Variants in APBB2 observed in about 807,000 individuals in gnomAD.
The protein encoded by APBB2 is amyloid beta precursor protein binding family B member 2, also known as Fe65-like 1.
In APBB2, 38 loss-of-function variants were observed where a neutral mutation model predicts 82.5. The ratio of observed to expected loss-of-function variants is 0.46; its 90% CI spans 0.36 to 0.60. The LOEUF (loss-of-function observed/expected upper bound fraction) is 0.60. Among genes scored for constraint, APBB2 ranks in the 20% least tolerant of loss-of-function variants. The pLI is 0.00. For synonymous variants in APBB2, 341 were observed against 368.2 expected (o/e 0.93, Z 0.85); for missense variants, 772 against 972.3 (o/e 0.79, Z 2.74).
At position 40,815,894 on chromosome 4, in the gene APBB2, A is replaced by G; in HGVS notation, c.*198T>C. On this transcript the variant is annotated 3_prime_UTR_variant, in exon 18 of 18. Transcript: ENST00000508593. ...GCATGATGTAACTTACAGCAAAAAA[A>G]ATTATTCATGCTTCTTTTCATATCA... is the stretch of plus-strand genomic sequence containing the variant. 1 of 615,410 alleles carries G rather than the reference A, an allele frequency of 1.6e-6. No individual in the cohort carries two copies. The highest frequency in any genetic ancestry group is 2.8e-6 in the Non-Finnish European group (1 of 358,734). 38.1% of individuals were successfully genotyped at this position (615,410 alleles called of 1,614,324 possible). A position where few individuals can be genotyped will look rare whatever the true frequency, so the allele number is the denominator to read the frequency against.
At chr4:40,861,183 T>C (rs781549900) in intron 12 of APBB2, among the ~76,000 whole-genome samples, 2 of 152,030 alleles carry the variant, frequency 1.3e-5, no homozygotes, top group Non-Finnish European at 2.9e-5. Context: ...GAACCCTGTC[T>C]CTACTAAAAA....
intron 5 of APBB2, 54 bp from the exon 6 acceptor site, chr4:41,014,452 C>T (rs1054680462): frequency 6.8e-7 from 1 of 1,473,042 alleles, no homozygotes; most frequent in Admixed American, 1.9e-5. Context: ...ACTTAGTATA[C>T]AGTGTGAGTA....
At chr4:40,846,208 A>G (rs1226115456) in intron 12 of APBB2, among the ~76,000 whole-genome samples, 1 of 151,416 alleles carries the variant, frequency 6.6e-6, no homozygotes, top group Non-Finnish European at 1.5e-5. Context: ...CGGCTTGAGT[A>G]TGGCCTTACA....
intron 4 of APBB2, among the ~76,000 whole-genome samples, chr4:41,040,540 G>C (rs1720942125): frequency 6.6e-6 from 1 of 152,190 alleles, no homozygotes; most frequent in South Asian, 2.1e-4. Flanking sequence ...AGAAACTGAA[G>C]CACAGAGGGT....
At chr4:40,975,292 T>C (rs562129814) in intron 6 of APBB2, among the ~76,000 whole-genome samples, 2 of 152,330 alleles carry the variant, frequency 1.3e-5, no homozygotes, top group South Asian at 2.1e-4. Flanking sequence ...AATAAGTGAA[T>C]TGAACGTGTT....
At chr4:41,196,599 C>CTTTTTTT in intron 1 of APBB2, among the ~76,000 whole-genome samples, 13 of 100,318 alleles carry the variant, frequency 1.3e-4, no homozygotes, top group South Asian at 3.1e-4. Context: ...AAGCCCCCTG[C>CTTTTTTT]TTTTTTTTTT....
intron 6 of APBB2, among the ~76,000 whole-genome samples, chr4:40,951,492 G>C (rs1034535383): frequency 2.6e-5 from 4 of 152,268 alleles, no homozygotes; most frequent in African/African-American, 9.6e-5. Flanking sequence ...CTGCGAAGAC[G>C]CGATACGGCT....
At chr4:40,995,252 G>A (rs1397018418) in intron 6 of APBB2, among the ~76,000 whole-genome samples, 3 of 152,156 alleles carry the variant, frequency 2.0e-5, no homozygotes, top group African/African-American at 7.2e-5. Flanking sequence ...GCAGTACCAA[G>A]AAATCTAACA....
Position 41,193,632 on chromosome 4 carries a change from T to C in APBB2, c.-417+20773A>G. 1.4e-4 allele frequency: 130 copies of C among 910,948 alleles called. No homozygotes were observed. In the Admixed American group the frequency reaches 2.0e-3, roughly 14 times the overall value. 56.4% of individuals were successfully genotyped at this position (910,948 alleles called of 1,614,324 possible). Reference sequence around the variant, plus strand: ...GCGGAGGCTGCTGTTTTCTGCATTATTACTTCTGCAGGTCTCCCAGGACCC... The same window carrying C: ...GCGGAGGCTGCTGTTTTCTGCATTACTACTTCTGCAGGTCTCCCAGGACCC... On this transcript the variant is annotated intron_variant, in intron 1 of 17. Coordinates refer to ENST00000508593, the MANE Select transcript of APBB2 (RefSeq NM_004307.2).
chr4:41,018,170 C>T (rs1810530424), intron 5 of APBB2, among the ~76,000 whole-genome samples: 1 of 151,638 alleles, frequency 6.6e-6, no homozygotes, highest in Non-Finnish European at 1.5e-5. Flanking sequence ...TAGCTCCCTC[C>T]TTCCTTGCAC....
intron 6 of APBB2, among the ~76,000 whole-genome samples, chr4:40,965,386 TTAAA>T (rs1423513355): frequency 6.6e-6 from 1 of 152,136 alleles, no homozygotes; most frequent in Non-Finnish European, 1.5e-5. Context: ...CAGACATTGT[TTAAA>T]TAATTATTGG....
At chr4:40,888,217 G>A (rs928864256) in intron 12 of APBB2, among the ~76,000 whole-genome samples, 1 of 152,246 alleles carries the variant, frequency 6.6e-6, no homozygotes, top group African/African-American at 2.4e-5. Flanking sequence ...TATGTGTTGT[G>A]GTCCTTATTA....
intron 1 of APBB2, among the ~76,000 whole-genome samples, chr4:41,186,386 C>T (rs1772906633): frequency 6.6e-6 from 1 of 152,174 alleles, no homozygotes; most frequent in East Asian, 1.9e-4. Flanking sequence ...GTATGTTATT[C>T]ACTTGTCTGG....
At chr4:40,896,169 A>T (rs752112804) in intron 10 of APBB2, among the ~76,000 whole-genome samples, 1 of 151,834 alleles carries the variant, frequency 6.6e-6, no homozygotes, top group Non-Finnish European at 1.5e-5. Context: ...GGTTCAAGTG[A>T]TCCTTCTGCC....
intron 10 of APBB2, among the ~76,000 whole-genome samples, chr4:40,894,956 G>C (rs941771276): frequency 6.6e-6 from 1 of 152,116 alleles, no homozygotes. Context: ...ACCTTCCCCA[G>C]ATAGGAAAGG....
chr4:41,111,374 T>C (rs1312382271), intron 2 of APBB2, among the ~76,000 whole-genome samples: 1 of 152,252 alleles, frequency 6.6e-6, no homozygotes, highest in African/African-American at 2.4e-5. Context: ...AGTATGTCTG[T>C]GGTGGAGCCC....
chr4:41,076,127 A>G (rs1266221495), intron 3 of APBB2, among the ~76,000 whole-genome samples: 1 of 152,230 alleles, frequency 6.6e-6, no homozygotes, highest in East Asian at 1.9e-4. Flanking sequence ...AAATGGCCCA[A>G]TGATGAGTGA....
rs1761418918 is a variant in APBB2, at chr4:40,856,975, CT to C, written c.1530-26399del. ...AGCTTGGGCTCGACCCCCGTTCCCC[CT>C]GAACGCACCTGCAAACAAAGGAGAG... On this transcript the variant is annotated intron_variant, in intron 12 of 17. Coordinates refer to ENST00000508593, the MANE Select transcript of APBB2 (RefSeq NM_004307.2). 8 of 985,470 alleles carry C rather than the reference CT, an allele frequency of 8.1e-6. No homozygotes were observed. In the African/African-American group the frequency reaches 8.7e-5, roughly 11 times the overall value. 61.0% of individuals were successfully genotyped at this position (985,470 alleles called of 1,614,324 possible). A position where few individuals can be genotyped will look rare whatever the true frequency, so the allele number is the denominator to read the frequency against.
intron 6 of APBB2, among the ~76,000 whole-genome samples, chr4:40,972,437 A>AT (rs1194127739): frequency 7.9e-4 from 117 of 148,880 alleles, no homozygotes; most frequent in African/African-American, 1.5e-3. Context: ...CAAAAAAAAA[A>AT]AAAATAATAA....
Sources: allele counts gnomAD v4.1 joint callset (sites outside exome capture counted in the v4.1 genomes callset), GRCh38; gene constraint gnomAD v4.1.1; transcripts MANE v1.5; gene names NCBI Gene and HGNC (gene_info 2026-07-23, HGNC 2026-07-21).